Variants in TENT4B observed in about 807,000 individuals in gnomAD.
TENT4B encodes PAP associated domain containing 5.
TENT4B carries 10 observed loss-of-function variants against 75.0 expected under a neutral mutation model. The ratio of observed to expected loss-of-function variants is 0.13; its 90% CI spans 0.08 to 0.23. TENT4B has a LOEUF of 0.23. TENT4B is among the 10% of genes least tolerant of loss of function. The pLI is 1.00. For synonymous variants in TENT4B, 350 were observed against 357.7 expected (o/e 0.98, Z 0.24); for missense variants, 579 against 893.8 (o/e 0.65, Z 4.49).
At chr16:50,167,905 T>C (rs2038132986) in intron 1 of TENT4B, among the ~76,000 whole-genome samples, 1 of 152,096 alleles carries the variant, frequency 6.6e-6, no homozygotes, top group Non-Finnish European at 1.5e-5. Context: ...AATCCTCTCA[T>C]CTCGGCCTCC....
At position 50,233,339 on chromosome 16, in the gene TENT4B, T is replaced by TA. The variant is rs1391634775; in HGVS notation, c.*4014dup. 5.1e-6 allele frequency: 5 copies of TA among 985,404 alleles called. No homozygotes were observed. The East Asian group carries it at 3.4e-4, about 67-fold the overall frequency. 61.0% of individuals were successfully genotyped at this position (985,404 alleles called of 1,614,324 possible). A position where few individuals can be genotyped will look rare whatever the true frequency, so the allele number is the denominator to read the frequency against. ...AAACATTTGTGGGTAGAATAAGTGT[T>TA]AAAGATCAAATTTTAATATGCTTCT... is the stretch of plus-strand genomic sequence containing the variant. On this transcript the variant is annotated 3_prime_UTR_variant, in exon 12 of 12. Transcript: ENST00000561678.
chr16:50,213,754 A>G (rs1300982564), intron 2 of TENT4B, among the ~76,000 whole-genome samples: 6 of 152,230 alleles, frequency 3.9e-5, no homozygotes, highest in Admixed American at 3.3e-4. Context: ...ACCAATAAAA[A>G]CAATACAAAT....
At chr16:50,179,809 G>T (rs2038377942) in intron 1 of TENT4B, among the ~76,000 whole-genome samples, 1 of 152,140 alleles carries the variant, frequency 6.6e-6, no homozygotes, top group South Asian at 2.1e-4. Context: ...AGTCTGTAAT[G>T]TGTCCTAGTG....
At chr16:50,174,539 A>G (rs1464803885) in intron 1 of TENT4B, among the ~76,000 whole-genome samples, 1 of 152,216 alleles carries the variant, frequency 6.6e-6, no homozygotes, top group Non-Finnish European at 1.5e-5. Flanking sequence ...AATCAAGGTA[A>G]TTAGAGTATT....
intron 1 of TENT4B, among the ~76,000 whole-genome samples, chr16:50,175,857 G>A (rs1456593446): frequency 2.0e-5 from 3 of 151,772 alleles, no homozygotes; most frequent in Admixed American, 6.6e-5. Context: ...TCAAGGCTTC[G>A]TTGCAGCCTT....
At chr16:50,175,082 T>C (rs995280139) in intron 1 of TENT4B, among the ~76,000 whole-genome samples, 1 of 152,136 alleles carries the variant, frequency 6.6e-6, no homozygotes, top group Non-Finnish European at 1.5e-5. Context: ...ATCATTCTAC[T>C]CTCTACTTCT....
chr16:50,233,692 TAAA>T lies in TENT4B; in HGVS notation c.*4370_*4372del, dbSNP rs11319165. On this transcript the variant is annotated 3_prime_UTR_variant, in exon 12 of 12. Transcript: ENST00000561678. ...CTGTCTCTCAGGTTTTTGGTTTTTT[TAAA>T]AAAAATGTGTTTGGCCTTTACATTT... 16 of 984,448 alleles carry T rather than the reference TAAA, an allele frequency of 1.6e-5. No homozygotes were observed. The highest frequency in any genetic ancestry group is 1.9e-5 in the Non-Finnish European group (16 of 829,392). The allele number at this position is 984,448 out of a possible 1,614,324, so 61.0% of individuals were successfully genotyped here.
rs925131539 is a variant in TENT4B at position 50,230,132 on chromosome 16, AATGTACT to A, written c.*812_*818del. ...TTATTTTATTTTGTAAAAAAAAAAA[AATGTACT>A]ATGTACTTTTGTGTAAACACTGAAA... On this transcript the variant is annotated 3_prime_UTR_variant, in exon 12 of 12. Coordinates refer to ENST00000561678, the MANE Select transcript of TENT4B (RefSeq NM_001365324.3). The A allele has an allele frequency of 3.0e-6, 3 of 984,426 alleles. No individual in the cohort carries two copies. In the African/African-American group the frequency reaches 5.2e-5, roughly 17 times the overall value. The allele number at this position is 984,426 out of a possible 1,614,324, so 61.0% of individuals were successfully genotyped here.
At chr16:50,208,347 A>T (rs1376186620) in intron 1 of TENT4B, among the ~76,000 whole-genome samples, 3 of 152,234 alleles carry the variant, frequency 2.0e-5, no homozygotes, top group African/African-American at 7.2e-5. Flanking sequence ...TGCTAGTTAG[A>T]ACCCTAGAAT....
chr16:50,196,863 G>A (rs1332861665), intron 1 of TENT4B, among the ~76,000 whole-genome samples: 2 of 151,856 alleles, frequency 1.3e-5, no homozygotes, highest in African/African-American at 4.8e-5. Flanking sequence ...TTGAGCCCAG[G>A]AAGTAAAGGC....
At chr16:50,222,285 A>C in intron 5 of TENT4B, 21 bp from the exon 6 acceptor site, 1 of 1,561,234 alleles carries the variant, frequency 6.4e-7, no homozygotes, top group East Asian at 2.3e-5. Flanking sequence ...AATTCATTGA[A>C]AATACAATTT....
At chr16:50,194,897 C>G (rs530039846) in intron 1 of TENT4B, among the ~76,000 whole-genome samples, 4 of 151,448 alleles carry the variant, frequency 2.6e-5, no homozygotes, top group Admixed American at 2.6e-4. Context: ...TACAGGCGCC[C>G]GCCACCATGC....
intron 1 of TENT4B, among the ~76,000 whole-genome samples, chr16:50,194,180 CTT>C (rs2030047508): frequency 6.7e-6 from 1 of 149,694 alleles, no homozygotes; most frequent in Admixed American, 6.7e-5. Flanking sequence ...TCTTCTCTCT[CTT>C]TTCTTTTTTC....
intron 1 of TENT4B, among the ~76,000 whole-genome samples, chr16:50,174,801 T>C (rs1233452404): frequency 1.4e-5 from 2 of 145,562 alleles, no homozygotes; most frequent in Middle Eastern, 3.5e-3. Flanking sequence ...TAGAGTACAG[T>C]GGCACAATCT....
At position 50,230,300 on chromosome 16, in the gene TENT4B, GAAAAAA is replaced by G. The variant is rs34413257; in HGVS notation, c.*984_*989del. 37 of 920,054 alleles carry G rather than the reference GAAAAAA, an allele frequency of 4.0e-5. No homozygotes were observed. In the South Asian group the frequency reaches 1.4e-3, roughly 36 times the overall value. 57.0% of individuals were successfully genotyped at this position (920,054 alleles called of 1,614,324 possible). The stretch of plus-strand genomic sequence containing the variant: ...TTTTCCCCCCATTTCTTCCTAATAG[GAAAAAA>G]AAAAAAAAAAAGGTCACCCATGTCT... On this transcript the variant is annotated 3_prime_UTR_variant, in exon 12 of 12. Transcript: ENST00000561678.
chr16:50,230,300 GAA>G lies in TENT4B; in HGVS notation c.*988_*989del, dbSNP rs34413257. On this transcript the variant is annotated 3_prime_UTR_variant, in exon 12 of 12. Coordinates refer to ENST00000561678, the MANE Select transcript of TENT4B (RefSeq NM_001365324.3). Reference sequence around the variant, plus strand: ...TTTTCCCCCCATTTCTTCCTAATAGGAAAAAAAAAAAAAAAAAGGTCACCCAT... The same window carrying G: ...TTTTCCCCCCATTTCTTCCTAATAGGAAAAAAAAAAAAAAAGGTCACCCAT... The G allele has an allele frequency of 4.2e-4, 380 of 914,484 alleles. No individual in the cohort carries two copies. Among genetic ancestry groups the G allele is most frequent in the African/African-American group, 6.6e-4 (32 of 48,242 alleles). The allele number at this position is 914,484 out of a possible 1,614,324, so 56.6% of individuals were successfully genotyped here.
At chr16:50,219,735 T>C (rs1455663056) in intron 5 of TENT4B, among the ~76,000 whole-genome samples, 1 of 146,104 alleles carries the variant, frequency 6.8e-6, no homozygotes, top group Non-Finnish European at 1.5e-5. Flanking sequence ...TTTTCTCTCT[T>C]TTTCTTTCCC....
In TENT4B at chr16:50,222,545, T is replaced by C. The variant is rs149602505; in HGVS notation, c.1167+111T>C. On this transcript the variant is annotated intron_variant, in intron 6 of 11. Transcript: ENST00000561678. ...TCAACCTGTAATTGCATTGCTTTCC[T>C]TGATTACTTAACGGCTTTTCCCTTT... 16 of 1,141,062 alleles carry C rather than the reference T, an allele frequency of 1.4e-5. No homozygotes were observed. The African/African-American group carries it at 2.4e-4, about 17-fold the overall frequency. The allele number at this position is 1,141,062 out of a possible 1,614,324, so 70.7% of individuals were successfully genotyped here.
In TENT4B at chr16:50,217,748, A is replaced by G. The variant is rs942133400; in HGVS notation, c.1038+85A>G. 1.0e-5 allele frequency: 6 copies of G among 598,314 alleles called. No homozygotes were observed. In the African/African-American group the frequency reaches 2.6e-4, roughly 26 times the overall value. The allele number at this position is 598,314 out of a possible 1,614,324, so 37.1% of individuals were successfully genotyped here. A position where few individuals can be genotyped will look rare whatever the true frequency, so the allele number is the denominator to read the frequency against. On this transcript the variant is annotated intron_variant, in intron 5 of 11. Coordinates refer to ENST00000561678, the MANE Select transcript of TENT4B (RefSeq NM_001365324.3). The stretch of plus-strand genomic sequence containing the variant: ...TGTGGTGGTGTTCTAATATTTTTAT[A>G]TGCATGTTGCTGTCTCTCTCTCTCT...
Sources: allele counts gnomAD v4.1 joint callset (sites outside exome capture counted in the v4.1 genomes callset), GRCh38; gene constraint gnomAD v4.1.1; transcripts MANE v1.5; gene names NCBI Gene and HGNC (gene_info 2026-07-23, HGNC 2026-07-21).